Variants in FRMD4B observed in about 807,000 individuals in gnomAD.
FRMD4B encodes the protein FERM domain-containing protein 4B.
Under a neutral mutation model 141.5 loss-of-function variants are expected in FRMD4B, and 74 were observed. That is an observed-to-expected ratio of 0.52 (90% confidence interval 0.43 to 0.63). FRMD4B has a LOEUF of 0.63. Ranked by LOEUF, FRMD4B falls within the 30% of genes least tolerant of loss-of-function variation. The pLI, the probability that FRMD4B is intolerant of heterozygous loss-of-function variation, is 0.00. For missense variants in FRMD4B, 1,366 were observed against 1,253.4 expected, an observed-to-expected ratio of 1.09 and a Z score of -1.36; for synonymous variants, 506 against 467.9, an observed-to-expected ratio of 1.08 and a Z score of -1.05.
chr3:69,335,178 T>C (rs899511662), intron 1 of FRMD4B, among the ~76,000 whole-genome samples: 8 of 151,960 alleles, frequency 5.3e-5, no homozygotes, highest in African/African-American at 1.7e-4. Flanking sequence ...CTCTCTAAAA[T>C]GCTATAAATA....
At chr3:69,179,149 G>A (rs1420896310) in intron 21 of FRMD4B, among the ~76,000 whole-genome samples, 3 of 152,110 alleles carry the variant, frequency 2.0e-5, no homozygotes, top group African/African-American at 7.2e-5. Flanking sequence ...TCTTTAAAGA[G>A]TGATGCCTTT....
intron 1 of FRMD4B, among the ~76,000 whole-genome samples, chr3:69,450,037 G>A (rs1004937675): frequency 1.3e-5 from 2 of 150,948 alleles, no homozygotes; most frequent in South Asian, 2.1e-4. Context: ...GGAGAACAAG[G>A]TTCCTCAGCG....
intron 2 of FRMD4B, among the ~76,000 whole-genome samples, chr3:69,413,983 G>A (rs1301845881): frequency 6.6e-6 from 1 of 152,116 alleles, no homozygotes; most frequent in African/African-American, 2.4e-5. Context: ...TCTCGATTCT[G>A]GGATGTTTTG....
chr3:69,471,951 T>C (rs1426584455), intron 1 of FRMD4B: 4 of 155,420 alleles, frequency 2.6e-5, no homozygotes, highest in African/African-American at 9.7e-5. Context: ...CTTTGGGGGC[T>C]CTATTTATTC....
intron 8 of FRMD4B, among the ~76,000 whole-genome samples, chr3:69,222,591 G>A (rs970295334): frequency 6.6e-6 from 1 of 151,970 alleles, no homozygotes; most frequent in African/African-American, 2.4e-5. Flanking sequence ...GGCCAACATG[G>A]TGAAATGTCG....
At chr3:69,453,909 C>T (rs991505632) in intron 1 of FRMD4B, among the ~76,000 whole-genome samples, 1 of 152,132 alleles carries the variant, frequency 6.6e-6, no homozygotes, top group Non-Finnish European at 1.5e-5. Context: ...GCCTAGAAAA[C>T]AAGAGTCCCC....
intron 1 of FRMD4B, among the ~76,000 whole-genome samples, chr3:69,485,192 C>T (rs1048617094): frequency 1.4e-4 from 21 of 152,204 alleles, no homozygotes; most frequent in African/African-American, 4.8e-4. Flanking sequence ...TGCACACACC[C>T]GGCTGGGCTG....
intron 1 of FRMD4B, among the ~76,000 whole-genome samples, chr3:69,370,367 G>C (rs1380606335): frequency 1.3e-5 from 2 of 152,194 alleles, no homozygotes; most frequent in African/African-American, 4.8e-5. Context: ...GACAAGAACT[G>C]CAGAAGCTGC....
chr3:69,269,031 C>A (rs777729835), intron 5 of FRMD4B, among the ~76,000 whole-genome samples: 3 of 151,000 alleles, frequency 2.0e-5, no homozygotes, highest in Non-Finnish European at 4.4e-5. Flanking sequence ...CAGGTTCAAG[C>A]AATTCTCCTG....
rs374329809 is a variant in FRMD4B at position 69,216,285 on chromosome 3, T to G, written c.854A>C (p.Gln285Pro). 5.1e-6 allele frequency: 8 copies of G among 1,564,494 alleles called. No individual in the cohort carries two copies. The highest frequency in any genetic ancestry group is 6.1e-6 in the Non-Finnish European group (7 of 1,144,464). ...TACCTTCCGAGGCTTCACCTTGTCT[T>G]GTATATCATATTGGCCAATTCCCTT... Reference protein sequence around the residue: ...SYKGIGQYDIQDKVKPRKLFQ... With the variant: ...SYKGIGQYDIPDKVKPRKLFQ... Residue 285 changes from glutamine (Q) to proline (P), a missense_variant, in exon 11 of 23, where the codon CAA (glutamine) becomes CCA (proline). Gln to Pro is a moderately conservative substitution (Grantham distance 76). Transcript: ENST00000398540.
rs1462681353 is a variant in FRMD4B, at chr3:69,195,252, C to A, written c.1347G>T (p.Lys449Asn). The A allele has an allele frequency of 6.2e-7, 1 of 1,613,012 alleles. No homozygotes were observed. The highest frequency in any genetic ancestry group is 8.5e-7 in the Non-Finnish European group (1 of 1,179,706). ...TCACAGCCTCCCGCAGACAGATCTT[C>A]TTAAGCTCCTCAACTTTTTTCAGAA... The part of the protein sequence containing the change: ...EKLLKKVEEL[K>N]KICLREAELT... The change falls in exon 15 of 23, where the codon AAG becomes AAT. Residue 449 changes from lysine (K) to asparagine (N), a missense_variant. Lys to Asn is a moderately conservative substitution (Grantham distance 94). Transcript: ENST00000398540.
intron 1 of FRMD4B, among the ~76,000 whole-genome samples, chr3:69,357,219 G>A (rs940090271): frequency 1.3e-4 from 20 of 152,264 alleles, no homozygotes; most frequent in Admixed American, 1.2e-3. Flanking sequence ...AAATCAGAAG[G>A]GGTCCCAGAT....
intron 1 of FRMD4B, among the ~76,000 whole-genome samples, chr3:69,540,842 G>A (rs975590586): frequency 2.0e-5 from 3 of 151,754 alleles, no homozygotes; most frequent in Admixed American, 1.3e-4. Context: ...CTTCCGGTAA[G>A]TTACTTAACC....
chr3:69,529,398 C>T (rs1412270296), intron 1 of FRMD4B, among the ~76,000 whole-genome samples: 2 of 152,154 alleles, frequency 1.3e-5, no homozygotes, highest in African/African-American at 4.8e-5. Flanking sequence ...GTTTAACATC[C>T]TTATTTTATA....
intron 1 of FRMD4B, among the ~76,000 whole-genome samples, chr3:69,480,183 G>A (rs527340388): frequency 0.025 from 3,693 of 150,536 alleles, 140 homozygotes; most frequent in African/African-American, 0.084. Context: ...TAGTTTGATC[G>A]TCTGAAGCCT....
chr3:69,499,835 G>A (rs1188007683), intron 1 of FRMD4B, among the ~76,000 whole-genome samples: 1 of 152,200 alleles, frequency 6.6e-6, no homozygotes, highest in Non-Finnish European at 1.5e-5. Context: ...TTAGTGTCCA[G>A]TCCCTTAGAT....
intron 17 of FRMD4B, 36 bp from the exon 18 acceptor site, chr3:69,189,988 G>GCA: frequency 8.1e-7 from 1 of 1,237,674 alleles, no homozygotes; most frequent in Non-Finnish European, 1.2e-6. Flanking sequence ...GTACAATTGT[G>GCA]CATTTATACA....
intron 13 of FRMD4B, 27 bp downstream of exon 13, chr3:69,196,873 C>G (rs755433805): frequency 1.3e-6 from 2 of 1,561,996 alleles, no homozygotes; most frequent in South Asian, 2.2e-5. Flanking sequence ...GGAATCTGTC[C>G]CTATAGAAAT....
At chr3:69,294,450 C>T (rs1274739454) in intron 4 of FRMD4B, among the ~76,000 whole-genome samples, 1 of 152,182 alleles carries the variant, frequency 6.6e-6, no homozygotes, top group African/African-American at 2.4e-5. Context: ...CAATATGTTC[C>T]CTTTCATCTG....
Sources: gnomAD v4.1 joint callset for allele counts (sites outside exome capture counted in the v4.1 genomes callset) on GRCh38, gnomAD v4.1.1 for gene constraint, MANE v1.5 for transcripts, NCBI Gene and HGNC (gene_info 2026-07-23, HGNC 2026-07-21) for gene names.